ARHGEF38: variants seen among roughly 807,000 people sequenced by gnomAD.
ARHGEF38 encodes the protein Rho guanine nucleotide exchange factor 38.
In ARHGEF38, 79 loss-of-function variants were observed where a neutral mutation model predicts 79.9. The ratio of observed to expected loss-of-function variants is 0.99; its 90% CI spans 0.82 to 1.19. The LOEUF (loss-of-function observed/expected upper bound fraction) is 1.19. Among genes scored for constraint, ARHGEF38 ranks in the 50% most tolerant of loss-of-function variants. The probability of loss-of-function intolerance (pLI) is 0.00; values close to 1 mark genes in which losing one functional copy is unlikely to be tolerated. For missense variants in ARHGEF38, 962 were observed against 907.2 expected (o/e 1.06, Z -0.78); for synonymous variants, 366 against 328.3 (o/e 1.11, Z -1.24).
At chr4:105,645,742 G>A (rs1222928962) in intron 6 of ARHGEF38, among the ~76,000 whole-genome samples, 2 of 152,194 alleles carry the variant, frequency 1.3e-5, no homozygotes, top group East Asian at 3.8e-4. Flanking sequence ...TGCAATAGCA[G>A]TGGGAAGCAA....
chr4:105,640,753 G>A (rs1406793697), intron 5 of ARHGEF38, among the ~76,000 whole-genome samples: 2 of 152,046 alleles, frequency 1.3e-5, no homozygotes, highest in Admixed American at 6.6e-5. Context: ...ATTTGCTATC[G>A]AATTCTAAAT....
chr4:105,578,024 A>G (rs1726588609), intron 1 of ARHGEF38, among the ~76,000 whole-genome samples: 1 of 151,862 alleles, frequency 6.6e-6, no homozygotes, highest in African/African-American at 2.4e-5. Flanking sequence ...TAGATTGTCA[A>G]TTTGTGATCT....
intron 5 of ARHGEF38, among the ~76,000 whole-genome samples, chr4:105,644,666 C>T (rs1279730986): frequency 6.6e-6 from 1 of 152,180 alleles, no homozygotes; most frequent in Non-Finnish European, 1.5e-5. Flanking sequence ...TATCAGAAGT[C>T]CCTTTTGGGG....
Position 105,680,211 on chromosome 4 carries a change from T to C in ARHGEF38, c.*2274T>C. The stretch of plus-strand genomic sequence containing the variant: ...TTCTTTTAGTGTTTTCCCTTTTCTT[T>C]TCCTTAAGTCACTAAAATCTGTAGT... On this transcript the variant is annotated 3_prime_UTR_variant, in exon 14 of 14. Coordinates refer to ENST00000420470, the MANE Select transcript of ARHGEF38 (RefSeq NM_001242729.2). The C allele has an allele frequency of 2.1e-6, 1 of 468,988 alleles. No individual in the cohort carries two copies. The highest frequency in any genetic ancestry group is 4.5e-5 in the East Asian group (1 of 22,098). 29.1% of individuals were successfully genotyped at this position (468,988 alleles called of 1,614,324 possible).
In ARHGEF38 at chr4:105,660,434, CT is replaced by C. The variant is rs561329360; in HGVS notation, c.1545+1083del. 4.0e-3 allele frequency among the ~76,000 whole-genome samples: 553 copies of C among 139,604 alleles called. 1 individual carries two copies. The highest frequency in any genetic ancestry group is 0.011 in the Middle Eastern group (3 of 274). 91.6% of individuals were successfully genotyped at this position (139,604 alleles called of 152,430 possible). Reference sequence around the variant, plus strand: ...ATAGTACATAAAGAGCTTCCTCATTCTTTTTTTTTTTTTTGGTGGGGGGGGA... The same window carrying C: ...ATAGTACATAAAGAGCTTCCTCATTCTTTTTTTTTTTTTGGTGGGGGGGGA... On this transcript the variant is annotated intron_variant, in intron 10 of 13. Transcript: ENST00000420470.
At chr4:105,646,515 A>G (rs1419130926) in intron 6 of ARHGEF38, among the ~76,000 whole-genome samples, 3 of 152,206 alleles carry the variant, frequency 2.0e-5, no homozygotes, top group Non-Finnish European at 4.4e-5. Context: ...TTGAATCTCA[A>G]TCTACAGGTG....
At position 105,678,128 on chromosome 4, in the gene ARHGEF38, T is replaced by C; in HGVS notation, c.*191T>C. On this transcript the variant is annotated 3_prime_UTR_variant, in exon 14 of 14. Coordinates refer to ENST00000420470, the MANE Select transcript of ARHGEF38 (RefSeq NM_001242729.2). ...TGAATGTATTATAAAGGATACATGT[T>C]GAAAGAAATACTAAGCCAACAGAAA... 2.4e-6 allele frequency: 1 copy of C among 424,546 alleles called. No homozygotes were observed. The highest frequency in any genetic ancestry group is 4.1e-5 in the Admixed American group (1 of 24,318). The allele number at this position is 424,546 out of a possible 1,614,324, so 26.3% of individuals were successfully genotyped here.
At chr4:105,665,046 A>C (rs117498039) in intron 10 of ARHGEF38, among the ~76,000 whole-genome samples, 1 of 151,928 alleles carries the variant, frequency 6.6e-6, no homozygotes, top group Non-Finnish European at 1.5e-5. Context: ...CCCAGGCTGG[A>C]GTGTCATGGT....
At chr4:105,631,427 T>G (rs1438117422) in intron 4 of ARHGEF38, 2 of 988,380 alleles carry the variant, frequency 2.0e-6, no homozygotes, top group Non-Finnish European at 2.4e-6. Context: ...TTAATGGAGT[T>G]AGGGGAATGG....
intron 9 of ARHGEF38, 63 bp downstream of exon 9, chr4:105,655,785 TTTTG>T: frequency 1.4e-6 from 2 of 1,461,646 alleles, no homozygotes; most frequent in African/African-American, 2.8e-5. Flanking sequence ...GAAAGCTGCT[TTTTG>T]TTTGTTTTTC....
chr4:105,665,729 C>A (rs1730725944), intron 10 of ARHGEF38, among the ~76,000 whole-genome samples: 1 of 152,162 alleles, frequency 6.6e-6, no homozygotes, highest in South Asian at 2.1e-4. Context: ...AGCCACTATG[C>A]CAGACTTACC....
chr4:105,608,553 C>G (rs78550534), intron 2 of ARHGEF38, among the ~76,000 whole-genome samples: 1,731 of 151,992 alleles, frequency 0.011, 28 homozygotes, highest in African/African-American at 0.04. Context: ...AAACATTTAT[C>G]ATTTCTTTTT....
chr4:105,643,436 T>TA (rs1196953333), intron 5 of ARHGEF38, among the ~76,000 whole-genome samples: 3 of 152,142 alleles, frequency 2.0e-5, no homozygotes, highest in Middle Eastern at 3.2e-3. Context: ...GTTTTCTTTT[T>TA]AAAAAAATGT....
chr4:105,603,467 G>C (rs1727909872), intron 2 of ARHGEF38, among the ~76,000 whole-genome samples: 1 of 152,084 alleles, frequency 6.6e-6, no homozygotes. Context: ...GGATTTTCTA[G>C]ATATAATAAT....
intron 1 of ARHGEF38, among the ~76,000 whole-genome samples, chr4:105,559,558 C>CT (rs1725417702): frequency 6.6e-6 from 1 of 152,080 alleles, no homozygotes; most frequent in African/African-American, 2.4e-5. Context: ...GCATAAAACT[C>CT]TGAGGGATAT....
intron 1 of ARHGEF38, among the ~76,000 whole-genome samples, chr4:105,588,185 T>C (rs913666897): frequency 2.0e-5 from 3 of 152,218 alleles, no homozygotes; most frequent in South Asian, 2.1e-4. Flanking sequence ...TTGTGACCTG[T>C]ACATTTATTT....
intron 6 of ARHGEF38, among the ~76,000 whole-genome samples, chr4:105,646,700 T>C (rs1394214287): frequency 6.6e-6 from 1 of 151,912 alleles, no homozygotes; most frequent in African/African-American, 2.4e-5. Flanking sequence ...TAAATGCAAA[T>C]AAAAAAGACA....
chr4:105,631,700 T>C (rs1032829524), intron 4 of ARHGEF38: 1 of 955,168 alleles, frequency 1.0e-6, no homozygotes, highest in Non-Finnish European at 1.2e-6. Context: ...CCTTTCTTCT[T>C]AATAATCATT....
At chr4:105,584,584 C>T (rs1726942834) in intron 1 of ARHGEF38, among the ~76,000 whole-genome samples, 1 of 152,116 alleles carries the variant, frequency 6.6e-6, no homozygotes, top group African/African-American at 2.4e-5. Context: ...AGTCTGGCTC[C>T]CAAGGCTATG....
Sources: allele counts gnomAD v4.1 joint callset (sites outside exome capture counted in the v4.1 genomes callset), GRCh38; gene constraint gnomAD v4.1.1; transcripts MANE v1.5; gene names NCBI Gene and HGNC (gene_info 2026-07-23, HGNC 2026-07-21).